The following SLC14A2 variants were observed in gnomAD, a reference collection of about 807,000 sequenced individuals.
The protein encoded by SLC14A2 is urea transporter 2.
A neutral mutation model predicts 104.6 loss-of-function variants in SLC14A2; 91 were observed. The observed-to-expected ratio is 0.87, with a 90% CI of 0.73 to 1.04. The LOEUF is 1.04. SLC14A2 is among the 50% of genes least tolerant of loss of function. The probability of loss-of-function intolerance (pLI) is 0.00; values close to 1 mark genes in which losing one functional copy is unlikely to be tolerated. For missense variants in SLC14A2, 1,189 were observed against 1,156.0 expected (o/e 1.03, Z -0.41); for synonymous variants, 476 against 466.4 (o/e 1.02, Z -0.27).
chr18:45,444,710 G>A (rs1401612274), intron 1 of SLC14A2, among the ~76,000 whole-genome samples: 1 of 152,172 alleles, frequency 6.6e-6, no homozygotes, highest in Non-Finnish European at 1.5e-5. Context: ...TCTAATGGCT[G>A]TAATCAGAAA....
intron 1 of SLC14A2, among the ~76,000 whole-genome samples, chr18:45,441,274 G>C (rs187823737): frequency 5.4e-4 from 83 of 152,312 alleles, no homozygotes; most frequent in Non-Finnish European, 7.6e-4. Flanking sequence ...TTCAAGCAGA[G>C]ATTCCAAGGA....
At chr18:45,476,760 A>G (rs112854388) in intron 1 of SLC14A2, among the ~76,000 whole-genome samples, 4 of 151,302 alleles carry the variant, frequency 2.6e-5, no homozygotes, top group African/African-American at 9.7e-5. Flanking sequence ...CCTTTCTTCC[A>G]CTTGATCGAT....
At chr18:45,419,946 C>G (rs1349114457) in intron 1 of SLC14A2, among the ~76,000 whole-genome samples, 5 of 152,130 alleles carry the variant, frequency 3.3e-5, no homozygotes, top group African/African-American at 1.2e-4. Context: ...TTCCATGTTA[C>G]CTAAAGCTGC....
chr18:45,192,622 G>A, the SLC14A2 span, among the ~76,000 whole-genome samples: 1 of 135,146 alleles, frequency 7.4e-6, no homozygotes, highest in Non-Finnish European at 1.7e-5. Flanking sequence ...TTTTGTGTGT[G>A]TGTGTGTGTG....
chr18:45,668,549 G>T, intron 15 of SLC14A2, 72 bp downstream of exon 15: 2 of 1,538,312 alleles, frequency 1.3e-6, no homozygotes, highest in Non-Finnish European at 1.8e-6. Context: ...TCCCATGACC[G>T]TCTGTCTAAA....
At chr18:45,441,255 A>C (rs867551979) in intron 1 of SLC14A2, among the ~76,000 whole-genome samples, 2 of 152,320 alleles carry the variant, frequency 1.3e-5, no homozygotes, top group Middle Eastern at 3.4e-3. Flanking sequence ...AATGCTAAGA[A>C]ATGGCTCTTT....
intron 1 of SLC14A2, among the ~76,000 whole-genome samples, chr18:45,453,034 G>A (rs564656656): frequency 3.7e-4 from 56 of 152,330 alleles, no homozygotes; most frequent in Non-Finnish European, 1.0e-4. Context: ...ATGAGGCACT[G>A]TTAATAACTG....
chr18:45,225,191 GT>G (rs1246974170), intron 1 of SLC14A2, among the ~76,000 whole-genome samples: 1 of 152,128 alleles, frequency 6.6e-6, no homozygotes, highest in Non-Finnish European at 1.5e-5. Flanking sequence ...AAGGGATCCA[GT>G]TTCAGCTTTC....
At position 45,448,102 on chromosome 18, in the gene SLC14A2, T is replaced by G. The variant is rs140567316; in HGVS notation, c.-124-35131T>G. On this transcript the variant is annotated intron_variant, in intron 1 of 20. Coordinates refer to the SLC14A2 transcript ENST00000586448. The stretch of plus-strand genomic sequence containing the variant: ...TCAGCATACCTCAGCAATGAGTGTA[T>G]GACTGGCACACCCACCTGCTTCTAT... 3.0e-3 allele frequency among the ~76,000 whole-genome samples: 456 copies of G among 152,326 alleles called. 3 individuals carry two copies. Among genetic ancestry groups the G allele is most frequent in the African/African-American group, 0.01 (436 of 41,576 alleles).
intron 1 of SLC14A2, among the ~76,000 whole-genome samples, chr18:45,257,762 T>G (rs1380952311): frequency 6.6e-6 from 1 of 152,160 alleles, no homozygotes; most frequent in Non-Finnish European, 1.5e-5. Flanking sequence ...AAGGGCCCCA[T>G]AGTCAAGTAT....
intron 2 of SLC14A2, among the ~76,000 whole-genome samples, chr18:45,496,349 G>A (rs547792490): frequency 2.0e-5 from 3 of 152,336 alleles, no homozygotes; most frequent in Non-Finnish European, 4.4e-5. Context: ...TGGTGTGTCT[G>A]TGAGGATGTT....
At chr18:45,271,301 A>G (rs2084648459) in intron 1 of SLC14A2, among the ~76,000 whole-genome samples, 1 of 152,182 alleles carries the variant, frequency 6.6e-6, no homozygotes, top group African/African-American at 2.4e-5. Context: ...AGTTCTTTCT[A>G]GCAATGGTTA....
chr18:45,507,491 A>C (rs911852462), intron 2 of SLC14A2: 12 of 152,250 alleles, frequency 7.9e-5, no homozygotes, highest in African/African-American at 2.9e-4. Flanking sequence ...GCTGACCCTC[A>C]GGTCACACAC....
chr18:45,525,409 C>T (rs1161650847), intron 2 of SLC14A2, among the ~76,000 whole-genome samples: 2 of 152,126 alleles, frequency 1.3e-5, no homozygotes, highest in African/African-American at 2.4e-5. Flanking sequence ...GGTGCATCCA[C>T]CATGCATGTC....
chr18:45,240,257 C>T (rs1467188202), intron 1 of SLC14A2, among the ~76,000 whole-genome samples: 9 of 151,368 alleles, frequency 5.9e-5, no homozygotes, highest in Middle Eastern at 3.4e-3. Context: ...CCACCACACC[C>T]GGCTAATTTT....
At chr18:45,543,234 C>T (rs2043917151) in intron 2 of SLC14A2, among the ~76,000 whole-genome samples, 1 of 152,050 alleles carries the variant, frequency 6.6e-6, no homozygotes, top group Non-Finnish European at 1.5e-5. Context: ...AGGCATGAGC[C>T]ACTGCGCCCA....
intron 2 of SLC14A2, among the ~76,000 whole-genome samples, chr18:45,583,376 A>G (rs2044525450): frequency 6.6e-6 from 1 of 152,124 alleles, no homozygotes; most frequent in African/African-American, 2.4e-5. Context: ...TCCAAGCACT[A>G]CAGTCTGTCC....
intron 10 of SLC14A2, among the ~76,000 whole-genome samples, chr18:45,655,659 A>G (rs1417602257): frequency 2.6e-5 from 4 of 152,190 alleles, no homozygotes; most frequent in African/African-American, 4.8e-5. Flanking sequence ...AGCGCAGAAG[A>G]AGGCATAGAA....
At chr18:45,274,935 GA>G (rs529910531) in intron 1 of SLC14A2, among the ~76,000 whole-genome samples, 50 of 152,338 alleles carry the variant, frequency 3.3e-4, no homozygotes, top group African/African-American at 1.1e-3. Flanking sequence ...AGATGCATTT[GA>G]AGGTCTCTTC....
Sources: allele counts gnomAD v4.1 joint callset (sites outside exome capture counted in the v4.1 genomes callset), GRCh38; gene constraint gnomAD v4.1.1; transcripts MANE v1.5; gene names NCBI Gene and HGNC (gene_info 2026-07-23, HGNC 2026-07-21).